KCNAB3: variants seen among roughly 807,000 people sequenced by gnomAD.
KCNAB3 encodes potassium voltage-gated channel subfamily A regulatory beta subunit 3.
KCNAB3 carries 62 observed loss-of-function variants against 67.7 expected under a neutral mutation model. The observed-to-expected ratio is 0.92, with a 90% CI of 0.75 to 1.13. KCNAB3 has a LOEUF of 1.13. Among genes scored for constraint, KCNAB3 ranks in the 50% most tolerant of loss-of-function variants. The pLI is 0.00. For missense variants in KCNAB3, 514 were observed against 522.9 expected (o/e 0.98, Z 0.17); for synonymous variants, 212 against 205.4 (o/e 1.03, Z -0.27).
Position 7,923,074 on chromosome 17 carries a change from C to G in KCNAB3, c.*28G>C. 2.5e-6 allele frequency: 4 copies of G among 1,607,262 alleles called. No individual in the cohort carries two copies. The highest frequency in any genetic ancestry group is 3.4e-6 in the Non-Finnish European group (4 of 1,173,856). Reference sequence around the variant, plus strand: ...GGGGCTCGGGCGGGTGCAGCGACACCGGGTTGGGTCCCTGCGCCCGCGACA... The same window carrying G: ...GGGGCTCGGGCGGGTGCAGCGACACGGGGTTGGGTCCCTGCGCCCGCGACA... On this transcript the variant is annotated 3_prime_UTR_variant, in exon 14 of 14. Transcript: ENST00000303790.
chr17:7,923,041 C>CGAG lies in KCNAB3; in HGVS notation c.*58_*60dup. On this transcript the variant is annotated 3_prime_UTR_variant, in exon 14 of 14. Transcript: ENST00000303790. The stretch of plus-strand genomic sequence containing the variant: ...GGATCCGGAGCGGGAGAGGCGGCTG[C>CGAG]GAGGAGCGGGGCTCGGGCGGGTGCA... 2.0e-6 allele frequency: 3 copies of CGAG among 1,516,916 alleles called. No homozygotes were observed. The allele number at this position is 1,516,916 out of a possible 1,614,324, so 94.0% of individuals were successfully genotyped here.
At chr17:7,925,803 G>A (rs1972209554) in intron 6 of KCNAB3, 77 bp from the exon 7 acceptor site, 1 of 1,600,098 alleles carries the variant, frequency 6.2e-7, no homozygotes, top group Non-Finnish European at 8.6e-7. Flanking sequence ...ATAAGGAAAT[G>A]GGATTGCACG....
Position 7,922,460 on chromosome 17 carries a change from G to C in KCNAB3, c.*642C>G, listed in dbSNP as rs2151712594. 6.6e-6 allele frequency: 1 copy of C among 152,544 alleles called. No individual in the cohort carries two copies. The highest frequency in any genetic ancestry group is 2.1e-4 in the South Asian group (1 of 4,838). 9.4% of individuals were successfully genotyped at this position (152,544 alleles called of 1,614,324 possible). Reference sequence around the variant, plus strand: ...CCACCCCGGCCACTTTCACCAGACTGCAGCGTAGATGTGCTATTACATTTC... The same window carrying C: ...CCACCCCGGCCACTTTCACCAGACTCCAGCGTAGATGTGCTATTACATTTC... On this transcript the variant is annotated 3_prime_UTR_variant, in exon 14 of 14. Transcript: ENST00000303790.
At position 7,923,030 on chromosome 17, in the gene KCNAB3, A is replaced by T; in HGVS notation, c.*72T>A. 1 of 1,424,394 alleles carries T rather than the reference A, an allele frequency of 7.0e-7. No individual in the cohort carries two copies. The highest frequency in any genetic ancestry group is 1.1e-5 in the South Asian group (1 of 87,056). The allele number at this position is 1,424,394 out of a possible 1,614,324, so 88.2% of individuals were successfully genotyped here. A position where few individuals can be genotyped will look rare whatever the true frequency, so the allele number is the denominator to read the frequency against. On this transcript the variant is annotated 3_prime_UTR_variant, in exon 14 of 14. Coordinates refer to ENST00000303790, the MANE Select transcript of KCNAB3 (RefSeq NM_004732.4). ...GCTGCGTGGAGGGATCCGGAGCGGG[A>T]GAGGCGGCTGCGAGGAGCGGGGCTC... is the stretch of plus-strand genomic sequence containing the variant.
intron 6 of KCNAB3, 54 bp downstream of exon 6, chr17:7,925,877 C>T: frequency 6.3e-7 from 1 of 1,582,384 alleles, no homozygotes; most frequent in South Asian, 1.1e-5. Context: ...CCCCATACAC[C>T]TTCACACATT....
intron 8 of KCNAB3, 136 bp from the exon 9 acceptor site, chr17:7,924,636 C>G: frequency 1.4e-6 from 2 of 1,407,962 alleles, no homozygotes; most frequent in South Asian, 1.7e-5. Context: ...TACTCTTTGC[C>G]TCTCTTCCTG....
chr17:7,927,266 G>C, intron 4 of KCNAB3, 78 bp downstream of exon 4: 4 of 1,349,668 alleles, frequency 3.0e-6, no homozygotes, highest in South Asian at 1.2e-5. Flanking sequence ...GGGTTCTTTA[G>C]AGGGAAAACG....
In KCNAB3 at chr17:7,924,179, C is replaced by T. The variant is rs1972144811; in HGVS notation, c.798G>A (p.Val266=). 1 of 1,614,224 alleles carries T rather than the reference C, an allele frequency of 6.2e-7. No homozygotes were observed. Among genetic ancestry groups the T allele is most frequent in the Non-Finnish European group, 8.5e-7 (1 of 1,180,024 alleles). Reference sequence around the variant, plus strand: ...GGTAGAGCTCTGGCAGCTGCATCTCCACCTTCTCCCTCTGAAACAGATGGT... The same window carrying T: ...GGTAGAGCTCTGGCAGCTGCATCTCTACCTTCTCCCTCTGAAACAGATGGT... The part of the protein sequence containing the change: ...AEHHLFQREK[V]EMQLPELYHK... The change falls in exon 10 of 14, where the codon GTG becomes GTA. Residue 266 remains valine (V), a synonymous_variant. Transcript: ENST00000303790.
In KCNAB3 at chr17:7,927,785, A is replaced by C. The variant is rs765113901; in HGVS notation, c.284T>G (p.Leu95Arg). ...KSGLRVSCLG[L>R]GTWVTFGSQI... Reference sequence around the variant, plus strand: ...CCTTAATCCCTATTCTGACTCACCTAGGCCAAGACAGGATACCCGAAGACC... The same window carrying C: ...CCTTAATCCCTATTCTGACTCACCTCGGCCAAGACAGGATACCCGAAGACC... The change falls in exon 2 of 14, where the codon CTA (leucine) becomes CGA (arginine). Residue 95 changes from leucine (L) to arginine (R), a missense_variant and splice_region_variant. Transcript: ENST00000303790. 6 of 1,614,160 alleles carry C rather than the reference A, an allele frequency of 3.7e-6. No individual in the cohort carries two copies. The highest frequency in any genetic ancestry group is 1.3e-5 in the African/African-American group (1 of 75,040).
At position 7,923,030 on chromosome 17, in the gene KCNAB3, A is replaced by G. The variant is rs1021879594; in HGVS notation, c.*72T>C. The G allele has an allele frequency of 6.0e-5, 85 of 1,424,274 alleles. No individual in the cohort carries two copies. The Admixed American group carries it at 6.7e-4, about 11-fold the overall frequency. The allele number at this position is 1,424,274 out of a possible 1,614,324, so 88.2% of individuals were successfully genotyped here. ...GCTGCGTGGAGGGATCCGGAGCGGG[A>G]GAGGCGGCTGCGAGGAGCGGGGCTC... On this transcript the variant is annotated 3_prime_UTR_variant, in exon 14 of 14. Transcript: ENST00000303790.
chr17:7,927,611 G>A, intron 3 of KCNAB3, 46 bp downstream of exon 3: 1 of 1,609,860 alleles, frequency 6.2e-7, no homozygotes, highest in East Asian at 2.2e-5. Flanking sequence ...CTTTTTTCAA[G>A]TTCCCTCACC....
chr17:7,929,799 G>GATA lies in KCNAB3; in HGVS notation c.-365_-364insTAT. 1 of 1,080,850 alleles carries GATA rather than the reference G, an allele frequency of 9.3e-7. No individual in the cohort carries two copies. Among genetic ancestry groups the GATA allele is most frequent in the Non-Finnish European group, 1.1e-6 (1 of 888,602 alleles). 67.0% of individuals were successfully genotyped at this position (1,080,850 alleles called of 1,614,324 possible). ...GGGGCGGGAGAGAGATGCCACTTCAGCGCGAACCGCTGCGGGACCCGCTGG... is the reference window on the plus strand; with the variant it reads ...GGGGCGGGAGAGAGATGCCACTTCAGATACGCGAACCGCTGCGGGACCCGCTGG... On this transcript the variant is annotated 5_prime_UTR_variant, in exon 1 of 14. Transcript: ENST00000303790. The surrounding 1 kb of genome is among the most constrained non-coding windows in gnomAD (Gnocchi z 5.7).
rs533771952 is a variant in KCNAB3 at position 7,923,378 on chromosome 17, C to T, written c.1137+78G>A. On this transcript the variant is annotated intron_variant, in intron 13 of 13. Coordinates refer to ENST00000303790, the MANE Select transcript of KCNAB3 (RefSeq NM_004732.4). ...CTTTGTAGTGGGTGACCTGATAGAG[C>T]CATCCTGGGTTGGATAGCGTGGCTT... The T allele has an allele frequency of 9.0e-6, 13 of 1,437,216 alleles. No homozygotes were observed. In the African/African-American group the frequency reaches 1.7e-4, roughly 19 times the overall value. The allele number at this position is 1,437,216 out of a possible 1,614,324, so 89.0% of individuals were successfully genotyped here. A position where few individuals can be genotyped will look rare whatever the true frequency, so the allele number is the denominator to read the frequency against.
At chr17:7,927,732 G>A (rs749781386) in intron 2 of KCNAB3, 38 bp from the exon 3 acceptor site, 8 of 1,614,012 alleles carry the variant, frequency 5.0e-6, no homozygotes, top group Non-Finnish European at 6.8e-6. Context: ...AACTGCAGGG[G>A]GCAGACCATG....
chr17:7,925,444 C>T, intron 7 of KCNAB3: 1 of 603,460 alleles, frequency 1.7e-6, no homozygotes, highest in Non-Finnish European at 2.9e-6. Flanking sequence ...TAGGAGAATC[C>T]CTTGAACCCG....
At chr17:7,925,766 A>G (rs756922889) in intron 6 of KCNAB3, 40 bp from the exon 7 acceptor site, 1 of 1,613,314 alleles carries the variant, frequency 6.2e-7, no homozygotes, top group South Asian at 1.1e-5. Flanking sequence ...TGTGACAAAG[A>G]TAGGGGACCG....
chr17:7,923,337 A>C, intron 13 of KCNAB3, 119 bp downstream of exon 13: 1 of 1,264,912 alleles, frequency 7.9e-7, no homozygotes. Context: ...GGGACCTCTC[A>C]CCTGCAAAGT....
intron 1 of KCNAB3, among the ~76,000 whole-genome samples, chr17:7,928,599 A>G (rs1458348493): frequency 6.6e-6 from 1 of 152,026 alleles, no homozygotes; most frequent in Non-Finnish European, 1.5e-5. Flanking sequence ...TCTACCCCCT[A>G]CTTCAGGTTC....
rs765424253 is a variant in KCNAB3, at chr17:7,929,121, G to A, written c.242+73C>T. 6.4e-7 allele frequency: 1 copy of A among 1,572,854 alleles called. No homozygotes were observed. Among genetic ancestry groups the A allele is most frequent in the South Asian group, 1.2e-5 (1 of 85,762 alleles). ...CTTAGTGAAGTTTGAAGGGGTCTTGGCGGCCATCTCAAGCAGTCTCAGGGG... is the reference window on the plus strand; with the variant it reads ...CTTAGTGAAGTTTGAAGGGGTCTTGACGGCCATCTCAAGCAGTCTCAGGGG... On this transcript the variant is annotated intron_variant, in intron 1 of 13. Transcript: ENST00000303790. This position sits in a 1 kb window ranked among gnomAD's most constrained non-coding sequence, Gnocchi z 5.7.
Sources: allele counts gnomAD v4.1 joint callset (sites outside exome capture counted in the v4.1 genomes callset), GRCh38; gene constraint gnomAD v4.1.1; non-coding constraint Gnocchi (gnomAD v3.1); transcripts MANE v1.5; gene names NCBI Gene and HGNC (gene_info 2026-07-23, HGNC 2026-07-21).